Variants in CYP4X1 observed in about 807,000 individuals in gnomAD.
The protein encoded by CYP4X1 is cytochrome P450 family 4 subfamily X member 1.
CYP4X1 carries 44 observed loss-of-function variants against 57.9 expected under a neutral mutation model. The ratio of observed to expected loss-of-function variants is 0.76; its 90% CI spans 0.60 to 0.98. The LOEUF (loss-of-function observed/expected upper bound fraction) is 0.98. CYP4X1 is among the 50% of genes least tolerant of loss of function. The pLI is 0.00. For missense variants in CYP4X1, 532 were observed against 623.9 expected (o/e 0.85, Z 1.57); for synonymous variants, 227 against 228.6 (o/e 0.99, Z 0.06).
intron 8 of CYP4X1, among the ~76,000 whole-genome samples, chr1:47,045,329 T>TA (rs554678081): frequency 0.01 from 1,555 of 152,108 alleles, 18 homozygotes; most frequent in Non-Finnish European, 0.017. Flanking sequence ...GATGCAAATT[T>TA]AAAAAAAACT....
chr1:47,052,313 TTAAA>T (rs1644364617), downstream of CYP4X1, among the ~76,000 whole-genome samples: 1 of 152,180 alleles, frequency 6.6e-6, no homozygotes, highest in Non-Finnish European at 1.5e-5. Context: ...GACAATTTTG[TTAAA>T]TAAGAAGACA....
downstream of CYP4X1, among the ~76,000 whole-genome samples, chr1:47,052,825 CTG>C (rs1569670207): frequency 1.3e-5 from 2 of 151,930 alleles, no homozygotes; most frequent in East Asian, 3.9e-4. Flanking sequence ...AAAAAAATGC[CTG>C]TTGGCCATTT....
chr1:46,969,627 G>A, the CYP4X1 span, among the ~76,000 whole-genome samples: 1 of 152,168 alleles, frequency 6.6e-6, no homozygotes, highest in Non-Finnish European at 1.5e-5. Context: ...ATATTTCTCA[G>A]GACGATTCCT....
the CYP4X1 span, among the ~76,000 whole-genome samples, chr1:47,011,299 A>C: frequency 6.6e-6 from 1 of 152,174 alleles, no homozygotes; most frequent in Non-Finnish European, 1.5e-5. Flanking sequence ...CAAAAACAAG[A>C]AATGGGGAAA....
At chr1:46,995,229 G>A in the CYP4X1 span, among the ~76,000 whole-genome samples, 4 of 152,142 alleles carry the variant, frequency 2.6e-5, no homozygotes, top group East Asian at 1.9e-4. Flanking sequence ...TTTATGCTAC[G>A]TACCTAATAG....
At chr1:46,999,009 C>G in the CYP4X1 span, among the ~76,000 whole-genome samples, 1 of 132,060 alleles carries the variant, frequency 7.6e-6, no homozygotes, top group Non-Finnish European at 1.5e-5. Context: ...TAATTTGATG[C>G]CTTGGGCTTG....
chr1:47,008,649 ACC>A, the CYP4X1 span, among the ~76,000 whole-genome samples: 3 of 152,202 alleles, frequency 2.0e-5, no homozygotes, highest in Non-Finnish European at 4.4e-5. Flanking sequence ...AAGAGTCAAG[ACC>A]CATCAGTGTG....
At chr1:46,998,228 T>G in the CYP4X1 span, among the ~76,000 whole-genome samples, 1 of 152,106 alleles carries the variant, frequency 6.6e-6, no homozygotes, top group African/African-American at 2.4e-5. Flanking sequence ...CAGACTGGAG[T>G]GCAATGGTGT....
chr1:46,991,999 G>A, the CYP4X1 span, among the ~76,000 whole-genome samples: 1 of 152,102 alleles, frequency 6.6e-6, no homozygotes, highest in South Asian at 2.1e-4. Context: ...CCACTCCCAG[G>A]ACTGTCATTA....
At chr1:46,971,681 T>C in the CYP4X1 span, among the ~76,000 whole-genome samples, 1 of 152,228 alleles carries the variant, frequency 6.6e-6, no homozygotes, top group African/African-American at 2.4e-5. Context: ...GTTAGTGATA[T>C]TGAGTATTTT....
At chr1:47,019,367 T>C (rs1643973158), upstream of CYP4X1, among the ~76,000 whole-genome samples, 1 of 152,214 alleles carries the variant, frequency 6.6e-6, no homozygotes. Context: ...AAAACTTGTT[T>C]AATCCTAAAC....
chr1:47,054,602 C>T (rs61784335), downstream of CYP4X1, among the ~76,000 whole-genome samples: 10 of 151,836 alleles, frequency 6.6e-5, no homozygotes, highest in African/African-American at 2.2e-4. Flanking sequence ...CATTGAGCAG[C>T]GGTTTGTAGT....
Position 47,050,230 on chromosome 1 carries a change from A to C in CYP4X1, c.*56A>C. 1.9e-6 allele frequency: 3 copies of C among 1,587,452 alleles called. No homozygotes were observed. The highest frequency in any genetic ancestry group is 2.6e-6 in the Non-Finnish European group (3 of 1,160,558). The stretch of plus-strand genomic sequence containing the variant: ...GTTTTTCGAAGTTAAATTTACAGCT[A>C]ATGATCCAAGCAGATAGAAAGGGAT... On this transcript the variant is annotated 3_prime_UTR_variant, in exon 12 of 12. Coordinates refer to ENST00000371901, the MANE Select transcript of CYP4X1 (RefSeq NM_178033.2).
At chr1:47,023,623 C>G (rs1476098136), upstream of CYP4X1, 2 of 1,327,528 alleles carry the variant, frequency 1.5e-6, no homozygotes, top group African/African-American at 1.5e-5. Flanking sequence ...CTAGAAATCC[C>G]GCACGCGCGC....
chr1:47,003,500 A>T, the CYP4X1 span, among the ~76,000 whole-genome samples: 5 of 152,256 alleles, frequency 3.3e-5, no homozygotes, highest in South Asian at 2.1e-4. Context: ...ATTTATTTTT[A>T]AAAAATATTT....
At chr1:47,018,857 C>T (rs531023169), upstream of CYP4X1, among the ~76,000 whole-genome samples, 19 of 152,226 alleles carry the variant, frequency 1.2e-4, no homozygotes, top group East Asian at 3.7e-3. Flanking sequence ...TCAATCCAAA[C>T]TGTAGAAAAT....
At chr1:47,038,888 G>C in intron 7 of CYP4X1, 122 bp downstream of exon 7, 1 of 658,880 alleles carries the variant, frequency 1.5e-6, no homozygotes, top group Non-Finnish European at 2.4e-6. Context: ...ACTGTACTTT[G>C]AATTGATGAG....
chr1:46,964,427 G>A, the CYP4X1 span, among the ~76,000 whole-genome samples: 6 of 151,880 alleles, frequency 4.0e-5, no homozygotes, highest in Admixed American at 6.5e-5. Context: ...TGGTGTGGAT[G>A]TCCTTTCTGT....
chr1:47,012,158 A>C, the CYP4X1 span, among the ~76,000 whole-genome samples: 17 of 152,330 alleles, frequency 1.1e-4, no homozygotes, highest in South Asian at 8.3e-4. Context: ...TGGAACCAAC[A>C]CAAATGTCCA....
Sources: gnomAD v4.1 joint callset for allele counts (sites outside exome capture counted in the v4.1 genomes callset) on GRCh38, gnomAD v4.1.1 for gene constraint, MANE v1.5 for transcripts, NCBI Gene and HGNC (gene_info 2026-07-23, HGNC 2026-07-21) for gene names.